KCNQ3: variants seen among roughly 807,000 people sequenced by gnomAD.
The protein encoded by KCNQ3 is potassium voltage-gated channel subfamily Q member 3.
In KCNQ3, 30 loss-of-function variants were observed where a neutral mutation model predicts 92.5. That is an observed-to-expected ratio of 0.32 (90% CI 0.24 to 0.44). KCNQ3 has a LOEUF of 0.44. KCNQ3 is among the 20% of genes least tolerant of loss of function. KCNQ3 has a pLI of 1.00. For missense variants in KCNQ3, 913 were observed against 1,140.3 expected (o/e 0.80, Z 2.87); for synonymous variants, 450 against 468.8 (o/e 0.96, Z 0.52).
rs2597367 is a variant in KCNQ3, at chr8:132,481,088, A to C, written c.-556T>G. ...AGCAGCGAGCGCGCCGCGGGCCGAG[A>C]GCACGCCGCGTCCCTCCCTCCCTCC... On this transcript the variant is annotated 5_prime_UTR_variant, in exon 1 of 15. Coordinates refer to ENST00000388996, the MANE Select transcript of KCNQ3 (RefSeq NM_004519.4). 0.94 allele frequency: 143,199 copies of C among 152,946 alleles called. 67,141 individuals carry two copies. Among genetic ancestry groups the C allele is most frequent in the African/African-American group, 0.98 (40,731 of 41,456 alleles). The allele number at this position is 152,946 out of a possible 1,614,324, so 9.5% of individuals were successfully genotyped here.
chr8:132,237,774 G>C (rs17596332), intron 1 of KCNQ3, among the ~76,000 whole-genome samples: 14,631 of 152,184 alleles, frequency 0.096, 739 homozygotes, highest in South Asian at 0.19. Flanking sequence ...GAAACTCAAA[G>C]TAAAATCACC....
At chr8:132,429,096 T>C (rs528168453) in intron 1 of KCNQ3, among the ~76,000 whole-genome samples, 1 of 152,330 alleles carries the variant, frequency 6.6e-6, no homozygotes, top group East Asian at 1.9e-4. Context: ...CAAAACATTA[T>C]TTGTAAGTAC....
chr8:132,398,464 A>C (rs2130780827), intron 1 of KCNQ3, among the ~76,000 whole-genome samples: 1 of 152,314 alleles, frequency 6.6e-6, no homozygotes, highest in East Asian at 1.9e-4. Context: ...CTTATTATTC[A>C]CATTTTCTAA....
At chr8:132,292,236 C>T (rs1816856089) in intron 1 of KCNQ3, among the ~76,000 whole-genome samples, 3 of 152,216 alleles carry the variant, frequency 2.0e-5, no homozygotes, top group Admixed American at 2.0e-4. Flanking sequence ...TTTCCCCACT[C>T]TCTATAGTAG....
At chr8:132,332,014 T>C (rs1818247014) in intron 1 of KCNQ3, among the ~76,000 whole-genome samples, 1 of 152,210 alleles carries the variant, frequency 6.6e-6, no homozygotes, top group African/African-American at 2.4e-5. Flanking sequence ...TCCCCTTGAA[T>C]GTGGTCTGGA....
intron 1 of KCNQ3, among the ~76,000 whole-genome samples, chr8:132,432,501 T>C (rs1346247649): frequency 2.6e-5 from 4 of 152,240 alleles, no homozygotes; most frequent in Non-Finnish European, 4.4e-5. Context: ...CACAATTTTC[T>C]GTATTCCAGT....
chr8:132,144,538 T>A (rs925597826), intron 9 of KCNQ3, among the ~76,000 whole-genome samples: 1 of 152,162 alleles, frequency 6.6e-6, no homozygotes, highest in Admixed American at 6.5e-5. Context: ...CTTGACATGT[T>A]AAGTGCAGGC....
chr8:132,202,479 C>T (rs536912660), intron 1 of KCNQ3, among the ~76,000 whole-genome samples: 1 of 152,076 alleles, frequency 6.6e-6, no homozygotes, highest in Non-Finnish European at 1.5e-5. Context: ...TAATTTGACT[C>T]ATTTCTTTTT....
At chr8:132,408,951 A>G (rs1326610380) in intron 1 of KCNQ3, among the ~76,000 whole-genome samples, 2 of 152,204 alleles carry the variant, frequency 1.3e-5, no homozygotes, top group Non-Finnish European at 2.9e-5. Flanking sequence ...CTTCTGCCAC[A>G]TGAGACTCTT....
intron 9 of KCNQ3, among the ~76,000 whole-genome samples, chr8:132,159,592 G>A (rs998483228): frequency 6.6e-6 from 1 of 152,186 alleles, no homozygotes; most frequent in African/African-American, 2.4e-5. Flanking sequence ...AAATATATGT[G>A]ATTTTGGAGC....
At chr8:132,444,665 T>C (rs1821628956) in intron 1 of KCNQ3, among the ~76,000 whole-genome samples, 3 of 152,184 alleles carry the variant, frequency 2.0e-5, no homozygotes, top group Admixed American at 2.0e-4. Context: ...GAATGTGGTA[T>C]GAGACAGATG....
intron 1 of KCNQ3, among the ~76,000 whole-genome samples, chr8:132,284,183 TA>T (rs554331483): frequency 1.7e-4 from 26 of 151,540 alleles, no homozygotes; most frequent in Admixed American, 3.3e-4. Flanking sequence ...TAAAGTATAA[TA>T]AAAAAAAATA....
At chr8:132,390,344 G>A (rs895186345) in intron 1 of KCNQ3, among the ~76,000 whole-genome samples, 2 of 152,196 alleles carry the variant, frequency 1.3e-5, no homozygotes, top group African/African-American at 4.8e-5. Context: ...AAGGGACAGT[G>A]CAGCACCTCC....
chr8:132,174,443 T>G, intron 5 of KCNQ3, 94 bp from the exon 6 acceptor site: 2 of 944,942 alleles, frequency 2.1e-6, no homozygotes, highest in Non-Finnish European at 3.4e-6. Context: ...CTCCATCAGC[T>G]TGGGCAATGC....
chr8:132,269,531 T>G (rs898108617), intron 1 of KCNQ3, among the ~76,000 whole-genome samples: 6 of 152,218 alleles, frequency 3.9e-5, no homozygotes, highest in Admixed American at 2.0e-4. Flanking sequence ...CTCTCAGTGA[T>G]TTTGGTGTAT....
At position 132,456,610 on chromosome 8, in the gene KCNQ3, T is replaced by G. The variant is rs147677486; in HGVS notation, c.386+23537A>C. The stretch of plus-strand genomic sequence containing the variant: ...GCTTTCTATTTTTTTTTTATTTTAT[T>G]TATTTATTTTTTTTTGAGATGGAGT... On this transcript the variant is annotated intron_variant, in intron 1 of 14. Transcript: ENST00000388996. 1.8e-4 allele frequency among the ~76,000 whole-genome samples: 28 copies of G among 152,096 alleles called. No individual in the cohort carries two copies. The East Asian group carries it at 5.2e-3, about 28-fold the overall frequency.
intron 1 of KCNQ3, among the ~76,000 whole-genome samples, chr8:132,355,386 G>C (rs968638510): frequency 1.3e-5 from 2 of 151,962 alleles, no homozygotes; most frequent in African/African-American, 4.8e-5. Flanking sequence ...TCCAAGAGAA[G>C]CTGTCCCTCC....
chr8:132,391,262 G>C (rs1820040250), intron 1 of KCNQ3, among the ~76,000 whole-genome samples: 1 of 152,132 alleles, frequency 6.6e-6, no homozygotes, highest in Admixed American at 6.5e-5. Flanking sequence ...GGTATCAAAA[G>C]GGCAGAGCTT....
intron 1 of KCNQ3, among the ~76,000 whole-genome samples, chr8:132,472,964 G>A (rs1822328668): frequency 6.6e-6 from 1 of 152,152 alleles, no homozygotes; most frequent in African/African-American, 2.4e-5. Flanking sequence ...TAGAAATAAA[G>A]AAATGGAAAT....
Sources: gnomAD v4.1 joint callset for allele counts (sites outside exome capture counted in the v4.1 genomes callset) on GRCh38, gnomAD v4.1.1 for gene constraint, MANE v1.5 for transcripts, NCBI Gene and HGNC (gene_info 2026-07-23, HGNC 2026-07-21) for gene names.